The following CLEC18A variants were observed in gnomAD, a reference collection of about 807,000 sequenced individuals.
CLEC18A encodes the protein C-type lectin domain family 18 member A.
In CLEC18A, 5 loss-of-function variants were observed where a neutral mutation model predicts 24.0. The observed-to-expected ratio is 0.21, with a 90% CI of 0.11 to 0.44. The LOEUF (loss-of-function observed/expected upper bound fraction) is 0.44. Ranked by LOEUF, CLEC18A falls within the 20% of genes least tolerant of loss-of-function variation. CLEC18A has a pLI of 0.99. For synonymous variants in CLEC18A, 29 were observed against 100.1 expected, an observed-to-expected ratio of 0.29 and a Z score of 4.24; for missense variants, 83 against 233.4, an observed-to-expected ratio of 0.36 and a Z score of 4.20.
At position 69,953,681 on chromosome 16, in the gene CLEC18A, G is replaced by A. The variant is rs147864362; in HGVS notation, c.217-653G>A. ...AATACAAAAATTAGCCAGGCGTGGT[G>A]TCACATGGCTGTAATCCCAGCTGCT... On this transcript the variant is annotated intron_variant, in intron 2 of 11. Coordinates refer to ENST00000288040, the MANE Select transcript of CLEC18A (RefSeq NM_001370523.4). The A allele has an allele frequency of 3.1e-3, 446 of 142,466 alleles. 2 individuals carry two copies. Among genetic ancestry groups the A allele is most frequent in the African/African-American group, 9.4e-3 (384 of 41,060 alleles). 8.8% of individuals were successfully genotyped at this position (142,466 alleles called of 1,614,324 possible).
upstream of CLEC18A, among the ~76,000 whole-genome samples, chr16:69,946,842 T>G (rs55927286): frequency 0.16 from 10,357 of 64,214 alleles, 724 homozygotes; most frequent in East Asian, 0.59. Flanking sequence ...ATACATTCCT[T>G]CGGATTTTCT....
chr16:69,944,767 C>T, the CLEC18A span, among the ~76,000 whole-genome samples: 1 of 117,572 alleles, frequency 8.5e-6, no homozygotes, highest in African/African-American at 3.8e-5. Context: ...ACCCGGGAGG[C>T]GGAGCTTGCA....
upstream of CLEC18A, among the ~76,000 whole-genome samples, chr16:69,946,702 C>T (rs1423676202): frequency 1.3e-5 from 2 of 149,798 alleles, no homozygotes; most frequent in African/African-American, 5.0e-5. Flanking sequence ...CTGTGCCTGG[C>T]CATGTGTGGA....
chr16:69,945,950 G>A (rs1170198248), upstream of CLEC18A, among the ~76,000 whole-genome samples: 16 of 151,180 alleles, frequency 1.1e-4, no homozygotes, highest in Non-Finnish European at 1.8e-4. Flanking sequence ...AAAATTAGCC[G>A]GGTGTGGTGG....
chr16:69,950,434 G>A (rs1002009958), upstream of CLEC18A, among the ~76,000 whole-genome samples: 8 of 122,802 alleles, frequency 6.5e-5, 2 homozygotes, highest in South Asian at 5.3e-4. Flanking sequence ...TTGGCCCATG[G>A]TGCAGATCTG....
At chr16:69,964,786 A>AC (rs1959314067), downstream of CLEC18A, among the ~76,000 whole-genome samples, 1 of 150,154 alleles carries the variant, frequency 6.7e-6, no homozygotes, top group Non-Finnish European at 1.5e-5. Flanking sequence ...GACAGGCGTG[A>AC]GCCACCGCGC....
chr16:69,954,611 C>T, intron 3 of CLEC18A, 38 bp downstream of exon 3: 1 of 1,605,740 alleles, frequency 6.2e-7, no homozygotes, highest in Non-Finnish European at 8.5e-7. Flanking sequence ...TGCCAGCTCC[C>T]AGATACAGAC....
At chr16:69,965,656 G>A, downstream of CLEC18A, among the ~76,000 whole-genome samples, 1 of 146,740 alleles carries the variant, frequency 6.8e-6, no homozygotes, top group African/African-American at 2.6e-5. Context: ...TCCCGAGGGG[G>A]TCCGCAGGCC....
At position 69,954,441 on chromosome 16, in the gene CLEC18A, G is replaced by A. The variant is rs369177910; in HGVS notation, c.324G>A (p.Trp108Ter). ...TGTGGCGCACCCTGCAAGTGGGCTG[G>A]AACATGCAGCTGCTACCCGCGGGCT... ...SGLWRTLQVG[W>*]NMQLLPAGLV... is the part of the protein sequence containing the mutation. The change falls in exon 3 of 12, where the codon TGG becomes TGA. Residue 108 changes from tryptophan to a stop codon, truncating the protein, a stop_gained. Transcript: ENST00000288040. LOFTEE classifies it high-confidence loss of function. The A allele has an allele frequency of 1.4e-5, 22 of 1,610,042 alleles. No homozygotes were observed. The highest frequency in any genetic ancestry group is 1.8e-5 in the Non-Finnish European group (21 of 1,178,050).
chr16:69,948,940 C>CT (rs755402035), upstream of CLEC18A, among the ~76,000 whole-genome samples: 46 of 18,794 alleles, frequency 2.4e-3, 5 homozygotes, highest in Middle Eastern at 0.045. Flanking sequence ...TCCTGGGACT[C>CT]TTTTTTTTTT....
chr16:69,965,537 C>T (rs1468891673), downstream of CLEC18A, among the ~76,000 whole-genome samples: 249 of 150,772 alleles, frequency 1.7e-3, 1 homozygote, highest in African/African-American at 5.8e-3. Flanking sequence ...GAGCCGAGAC[C>T]TTCCCACCCC....
At chr16:69,954,808 G>T (rs1274368409) in intron 3 of CLEC18A, among the ~76,000 whole-genome samples, 1 of 151,382 alleles carries the variant, frequency 6.6e-6, no homozygotes, top group Non-Finnish European at 1.5e-5. Flanking sequence ...AGTGATTCTT[G>T]TACTTCAGCC....
intron 2 of CLEC18A, chr16:69,952,517 G>T (rs2058967262): frequency 5.7e-6 from 1 of 176,074 alleles, no homozygotes; most frequent in African/African-American, 2.4e-5. Flanking sequence ...GTGCTGGGCT[G>T]GGGAGGGGCT....
chr16:69,955,150 G>A (rs1180883332), intron 3 of CLEC18A, among the ~76,000 whole-genome samples: 7 of 152,118 alleles, frequency 4.6e-5, no homozygotes, highest in East Asian at 3.9e-4. Flanking sequence ...ACAGGTGTGC[G>A]CCACTACACC....
At chr16:69,956,054 T>C (rs1478612539) in intron 3 of CLEC18A, among the ~76,000 whole-genome samples, 29 of 152,204 alleles carry the variant, frequency 1.9e-4, no homozygotes, top group Non-Finnish European at 3.8e-4. Flanking sequence ...GAGATCAGCC[T>C]GGGCCACATG....
At chr16:69,956,697 A>T in intron 3 of CLEC18A, among the ~76,000 whole-genome samples, 1 of 88,784 alleles carries the variant, frequency 1.1e-5, no homozygotes, top group South Asian at 4.7e-4. Context: ...GGTGTGAAAA[A>T]CCTAACTCTG....
At chr16:69,956,728 TTTTG>T (rs2059040949) in intron 3 of CLEC18A, among the ~76,000 whole-genome samples, 1 of 110,942 alleles carries the variant, frequency 9.0e-6, no homozygotes, top group Non-Finnish European at 1.8e-5. Context: ...GGTGGTTGTT[TTTTG>T]TTTGTTTTGT....
At chr16:69,954,698 T>C (rs539200638) in intron 3 of CLEC18A, 125 bp downstream of exon 3, 10 of 1,493,730 alleles carry the variant, frequency 6.7e-6, no homozygotes, top group East Asian at 2.5e-5. Flanking sequence ...TGGTTTAGTT[T>C]TACTTTTTTT....
chr16:69,964,618 G>C (rs1436505771), downstream of CLEC18A, among the ~76,000 whole-genome samples: 2 of 150,850 alleles, frequency 1.3e-5, no homozygotes, highest in African/African-American at 4.9e-5. Context: ...TCCTGCCTCA[G>C]CCTCCCGAGT....
Sources: gnomAD v4.1 joint callset for allele counts (sites outside exome capture counted in the v4.1 genomes callset) on GRCh38, gnomAD v4.1.1 for gene constraint, MANE v1.5 for transcripts, NCBI Gene and HGNC (gene_info 2026-07-23, HGNC 2026-07-21) for gene names.